The following TCF7L2 variants were observed in gnomAD, a reference collection of about 807,000 sequenced individuals.
The protein encoded by TCF7L2 is transcription factor 7-like 2.
Under a neutral mutation model 77.9 loss-of-function variants are expected in TCF7L2, and 23 were observed. That is an observed-to-expected ratio of 0.30 (90% CI 0.21 to 0.42). The LOEUF (loss-of-function observed/expected upper bound fraction) is 0.42, where lower values mean the gene tolerates loss of function less well. Among genes scored for constraint, TCF7L2 ranks in the 10% least tolerant of loss-of-function variants. The pLI is 1.00. For synonymous variants in TCF7L2, 413 were observed against 340.2 expected (o/e 1.21, Z -2.36); for missense variants, 654 against 793.1 (o/e 0.82, Z 2.11).
At chr10:113,114,475 G>C (rs899282575) in intron 5 of TCF7L2, among the ~76,000 whole-genome samples, 1 of 152,240 alleles carries the variant, frequency 6.6e-6, no homozygotes, top group East Asian at 1.9e-4. Context: ...TCAATGGTGT[G>C]TGGGCTTAAG....
In TCF7L2 at chr10:112,951,307, G is replaced by A. The variant is rs371368306; in HGVS notation, c.256+34G>A. On this transcript the variant is annotated intron_variant, in intron 2 of 13. Coordinates refer to ENST00000627217, the MANE Select transcript of TCF7L2 (RefSeq NM_001146274.2). ...GCCCCGCGCGCCCCGCAGCCGCCCG[G>A]AGCCGCCCCCCGGGCCGGCCGCCCC... 5,998 of 1,107,594 alleles carry A rather than the reference G, an allele frequency of 5.4e-3. 12 individuals carry two copies. Among genetic ancestry groups the A allele is most frequent in the Non-Finnish European group, 6.1e-3 (5,446 of 893,340 alleles). The allele number at this position is 1,107,594 out of a possible 1,614,324, so 68.6% of individuals were successfully genotyped here.
At chr10:113,001,477 C>G (rs931122600) in intron 4 of TCF7L2, among the ~76,000 whole-genome samples, 1 of 152,134 alleles carries the variant, frequency 6.6e-6, no homozygotes, top group Non-Finnish European at 1.5e-5. Context: ...GAGCCCACAT[C>G]TCTAATGCCT....
intron 5 of TCF7L2, among the ~76,000 whole-genome samples, chr10:113,079,375 C>A (rs1284912488): frequency 6.6e-6 from 1 of 152,176 alleles, no homozygotes; most frequent in Non-Finnish European, 1.5e-5. Context: ...CTCAGGAGAT[C>A]CAGCCCGGGC....
intron 5 of TCF7L2, among the ~76,000 whole-genome samples, chr10:113,108,483 A>G (rs1015221118): frequency 2.6e-5 from 4 of 152,308 alleles, no homozygotes; most frequent in East Asian, 1.9e-4. Context: ...TTGTGGGCAT[A>G]GAGATGCCAT....
At chr10:113,020,322 C>A (rs34950775) in intron 4 of TCF7L2, among the ~76,000 whole-genome samples, 2,035 of 152,306 alleles carry the variant, frequency 0.013, 20 homozygotes, top group Middle Eastern at 0.024. Flanking sequence ...GGAAGAAGGT[C>A]ATGGGCACCA....
At chr10:113,019,760 A>AT (rs1485170503) in intron 4 of TCF7L2, among the ~76,000 whole-genome samples, 1 of 149,624 alleles carries the variant, frequency 6.7e-6, no homozygotes, top group East Asian at 2.0e-4. Context: ...GGATATATTG[A>AT]TTTTTCAGGT....
intron 4 of TCF7L2, among the ~76,000 whole-genome samples, chr10:112,969,946 A>G (rs1407244333): frequency 6.6e-6 from 1 of 152,174 alleles, no homozygotes; most frequent in Admixed American, 6.5e-5. Context: ...CAAACCTATG[A>G]GCACTGTTGT....
At chr10:113,054,594 A>T (rs1044898846) in intron 5 of TCF7L2, among the ~76,000 whole-genome samples, 1 of 152,172 alleles carries the variant, frequency 6.6e-6, no homozygotes, top group African/African-American at 2.4e-5. Flanking sequence ...ACAAAAAAAT[A>T]CAGAAAGGTA....
At chr10:113,019,464 A>G (rs1161248037) in intron 4 of TCF7L2, among the ~76,000 whole-genome samples, 1 of 152,206 alleles carries the variant, frequency 6.6e-6, no homozygotes, top group Non-Finnish European at 1.5e-5. Flanking sequence ...CTTTTTGGTC[A>G]TAGGACTTCA....
intron 3 of TCF7L2, 62 bp from the exon 4 acceptor site, chr10:112,964,465 GAAGGTTTGTCTGCTATTCATAAACTGCTT>G (rs1193105501): frequency 3.4e-6 from 4 of 1,165,808 alleles, no homozygotes; most frequent in Non-Finnish European, 5.1e-6. Context: ...TTCAATCTAG[GAAGGTTTGTCTGCTATTCATAAACTGCTT>G]AAGATGTTTT....
At chr10:113,063,249 A>G (rs575873641) in intron 5 of TCF7L2, among the ~76,000 whole-genome samples, 6 of 152,180 alleles carry the variant, frequency 3.9e-5, no homozygotes, top group East Asian at 1.9e-4. Flanking sequence ...TGGGGTTGCA[A>G]ATTTGACTTT....
intron 4 of TCF7L2, among the ~76,000 whole-genome samples, chr10:112,988,135 CTT>C (rs571926229): frequency 9.4e-4 from 143 of 151,342 alleles, no homozygotes; most frequent in Non-Finnish European, 1.8e-3. Context: ...GAGTCTTGCT[CTT>C]GTTGCCCAGG....
chr10:113,136,512 C>G (rs1281870952), intron 5 of TCF7L2, among the ~76,000 whole-genome samples: 1 of 152,190 alleles, frequency 6.6e-6, no homozygotes, highest in Non-Finnish European at 1.5e-5. Context: ...TCACACAGCT[C>G]TCCTTGACCA....
chr10:113,150,614 A>G (rs1028532561), intron 8 of TCF7L2, among the ~76,000 whole-genome samples: 1 of 152,216 alleles, frequency 6.6e-6, no homozygotes, highest in African/African-American at 2.4e-5. Context: ...TTCACCTTTC[A>G]TTTTAGAGCT....
At chr10:113,009,517 C>T (rs1590354815) in intron 4 of TCF7L2, among the ~76,000 whole-genome samples, 1 of 152,170 alleles carries the variant, frequency 6.6e-6, no homozygotes, top group East Asian at 1.9e-4. Flanking sequence ...TGGAAATTCT[C>T]AGAAAACACA....
At chr10:113,014,651 G>C (rs919769035) in intron 4 of TCF7L2, among the ~76,000 whole-genome samples, 3 of 152,058 alleles carry the variant, frequency 2.0e-5, no homozygotes, top group African/African-American at 2.4e-5. Context: ...CAGGTGTGGT[G>C]GTGGGCGCCT....
intron 5 of TCF7L2, among the ~76,000 whole-genome samples, chr10:113,097,492 A>C (rs1013210847): frequency 9.9e-5 from 15 of 151,570 alleles, no homozygotes; most frequent in Admixed American, 6.6e-5. Context: ...ATCTCTACTG[A>C]AAATACAAAA....
At chr10:113,161,657 C>T in intron 13 of TCF7L2, 1 of 1,525,472 alleles carries the variant, frequency 6.6e-7, no homozygotes, top group Non-Finnish European at 8.8e-7. Flanking sequence ...CCTCCCTCGT[C>T]ACGTGTCCCT....
At chr10:113,149,264 GGATGAA>G (rs113786353) in intron 8 of TCF7L2, among the ~76,000 whole-genome samples, 2 of 152,300 alleles carry the variant, frequency 1.3e-5, no homozygotes, top group African/African-American at 4.8e-5. Flanking sequence ...GAGAGGAAGG[GGATGAA>G]GATGAAGGTT....
Sources: allele counts gnomAD v4.1 joint callset (sites outside exome capture counted in the v4.1 genomes callset), GRCh38; gene constraint gnomAD v4.1.1; transcripts MANE v1.5; gene names NCBI Gene and HGNC (gene_info 2026-07-23, HGNC 2026-07-21).